RNF150: variants seen among roughly 807,000 people sequenced by gnomAD.
The protein encoded by RNF150 is ring finger protein 150.
Under a neutral mutation model 39.3 loss-of-function variants are expected in RNF150, and 24 were observed. The ratio of observed to expected loss-of-function variants is 0.61; its 90% CI spans 0.44 to 0.86. The LOEUF (loss-of-function observed/expected upper bound fraction) is 0.86. Ranked by LOEUF, RNF150 falls within the 40% of genes least tolerant of loss-of-function variation. RNF150 has a pLI of 0.00. For missense variants in RNF150, 502 were observed against 587.8 expected (o/e 0.85, Z 1.51); for synonymous variants, 255 against 227.3 (o/e 1.12, Z -1.10).
intron 1 of RNF150, among the ~76,000 whole-genome samples, chr4:141,125,162 T>C (rs1726717059): frequency 6.6e-6 from 1 of 152,230 alleles, no homozygotes. Flanking sequence ...ATTAATATTT[T>C]GGCTTCAATA....
chr4:140,993,498 C>T (rs2111484169), intron 1 of RNF150, among the ~76,000 whole-genome samples: 1 of 152,304 alleles, frequency 6.6e-6, no homozygotes, highest in East Asian at 1.9e-4. Flanking sequence ...ATTATTCTGC[C>T]TCCCATAGTG....
chr4:141,014,480 T>A (rs778866058), intron 1 of RNF150, among the ~76,000 whole-genome samples: 3 of 152,250 alleles, frequency 2.0e-5, no homozygotes, highest in Non-Finnish European at 4.4e-5. Flanking sequence ...AAGTTCTTTT[T>A]CTCCAGATTC....
At chr4:141,079,931 G>A (rs1174820024) in intron 1 of RNF150, among the ~76,000 whole-genome samples, 1 of 152,180 alleles carries the variant, frequency 6.6e-6, no homozygotes, top group Non-Finnish European at 1.5e-5. Context: ...GGAGTTCACA[G>A]CATTGCTACG....
At chr4:141,095,440 C>T (rs183294670) in intron 1 of RNF150, among the ~76,000 whole-genome samples, 3 of 152,252 alleles carry the variant, frequency 2.0e-5, no homozygotes, top group African/African-American at 7.2e-5. Context: ...AAAAAAAGAA[C>T]TCAAATTTCA....
chr4:140,980,487 C>T (rs1397626169), intron 1 of RNF150, among the ~76,000 whole-genome samples: 1 of 152,044 alleles, frequency 6.6e-6, no homozygotes, highest in Non-Finnish European at 1.5e-5. Context: ...AGATGAAGCA[C>T]CTTGATATGG....
intron 1 of RNF150, among the ~76,000 whole-genome samples, chr4:141,047,850 A>G (rs1560708500): frequency 6.6e-6 from 1 of 152,136 alleles, no homozygotes; most frequent in Non-Finnish European, 1.5e-5. Context: ...TCTACAGAAT[A>G]TATTATTTTT....
At chr4:140,949,412 T>C (rs745667326) in intron 2 of RNF150, 40 bp from the exon 3 acceptor site, 24 of 1,554,110 alleles carry the variant, frequency 1.5e-5, no homozygotes, top group Non-Finnish European at 2.1e-5. Context: ...TAAAGATCTG[T>C]AATTCTTGAC....
At chr4:140,974,263 T>C (rs1447303808) in intron 1 of RNF150, among the ~76,000 whole-genome samples, 4 of 152,204 alleles carry the variant, frequency 2.6e-5, no homozygotes, top group Non-Finnish European at 5.9e-5. Flanking sequence ...CGGAATCATA[T>C]GGTATGTGAT....
At chr4:140,978,967 T>C (rs1262131581) in intron 1 of RNF150, among the ~76,000 whole-genome samples, 1 of 152,148 alleles carries the variant, frequency 6.6e-6, no homozygotes, top group African/African-American at 2.4e-5. Flanking sequence ...ATATATAAAA[T>C]ATATTAAATT....
intron 1 of RNF150, among the ~76,000 whole-genome samples, chr4:141,153,541 G>T (rs1727335139): frequency 6.6e-6 from 1 of 152,126 alleles, no homozygotes; most frequent in African/African-American, 2.4e-5. Context: ...AATTTCTGTT[G>T]TCTAAAGACA....
intron 6 of RNF150, among the ~76,000 whole-genome samples, chr4:140,908,944 T>TA (rs1203381830): frequency 6.6e-6 from 1 of 152,158 alleles, no homozygotes; most frequent in Non-Finnish European, 1.5e-5. Context: ...AATGATCCTT[T>TA]ACAAATGTTT....
chr4:140,906,584 T>G (rs1271408090), intron 6 of RNF150, among the ~76,000 whole-genome samples: 5 of 152,038 alleles, frequency 3.3e-5, no homozygotes, highest in Non-Finnish European at 5.9e-5. Context: ...AGGATCAGAG[T>G]TGATGGGAAG....
At chr4:140,904,220 C>T (rs1364886) in intron 6 of RNF150, among the ~76,000 whole-genome samples, 116,010 of 152,112 alleles carry the variant, frequency 0.76, 44,508 homozygotes, top group Non-Finnish European at 0.8. Flanking sequence ...TTAAGAGTCA[C>T]GGAAATGATT....
intron 1 of RNF150, among the ~76,000 whole-genome samples, chr4:141,086,077 G>T (rs1026543057): frequency 6.8e-6 from 1 of 147,378 alleles, no homozygotes; most frequent in Non-Finnish European, 1.5e-5. Context: ...CACCCTTCTA[G>T]GTGCCAGTGG....
chr4:141,027,926 G>GTT lies in RNF150; in HGVS notation c.485-60055_485-60054dup, dbSNP rs61543533. ...GCTTGGAATTTGTTTTTTTTTTTTT[G>GTT]TTTTTTTTTTTTTTTTTTTTTTTTT... On this transcript the variant is annotated intron_variant, in intron 1 of 6. Coordinates refer to ENST00000515673, the MANE Select transcript of RNF150 (RefSeq NM_020724.2). Among the ~76,000 whole-genome samples, 91 of 69,136 alleles carry GTT rather than the reference G, an allele frequency of 1.3e-3. 6 individuals carry two copies. Among genetic ancestry groups the GTT allele is most frequent in the Middle Eastern group, 9.4e-3 (1 of 106 alleles). The allele number at this position is 69,136 out of a possible 152,430, so 45.4% of individuals were successfully genotyped here. A position where few individuals can be genotyped will look rare whatever the true frequency, so the allele number is the denominator to read the frequency against.
At chr4:140,923,175 G>A (rs1731232606) in intron 5 of RNF150, among the ~76,000 whole-genome samples, 1 of 152,102 alleles carries the variant, frequency 6.6e-6, no homozygotes, top group African/African-American at 2.4e-5. Context: ...CCATCAGGGT[G>A]AACAGGCAAC....
intron 1 of RNF150, among the ~76,000 whole-genome samples, chr4:141,006,428 C>A (rs896089328): frequency 7.2e-5 from 11 of 152,086 alleles, no homozygotes; most frequent in African/African-American, 2.7e-4. Context: ...AATTGATCAA[C>A]AAGATCCCTG....
At chr4:140,930,964 T>A (rs2111333679) in intron 4 of RNF150, among the ~76,000 whole-genome samples, 1 of 152,170 alleles carries the variant, frequency 6.6e-6, no homozygotes, top group Admixed American at 6.5e-5. Context: ...TTGCTTTAAT[T>A]GTCCTAGGCA....
intron 1 of RNF150, among the ~76,000 whole-genome samples, chr4:141,123,837 T>A (rs1323325981): frequency 6.6e-6 from 1 of 152,206 alleles, no homozygotes; most frequent in African/African-American, 2.4e-5. Flanking sequence ...TTTCTCAGAA[T>A]GATGGTTTCC....
Sources: allele counts gnomAD v4.1 joint callset (sites outside exome capture counted in the v4.1 genomes callset), GRCh38; gene constraint gnomAD v4.1.1; transcripts MANE v1.5; gene names NCBI Gene and HGNC (gene_info 2026-07-23, HGNC 2026-07-21).